The following C14orf93 variants were observed in gnomAD, a reference collection of about 807,000 sequenced individuals.
C14orf93 encodes the protein chromosome 14 open reading frame 93.
A neutral mutation model predicts 44.0 loss-of-function variants in C14orf93; 23 were observed. That is an observed-to-expected ratio of 0.52 (90% CI 0.38 to 0.74). The LOEUF is 0.74. C14orf93 is among the 30% of genes least tolerant of loss of function. The probability of loss-of-function intolerance (pLI) is 0.00; values close to 1 mark genes in which losing one functional copy is unlikely to be tolerated. For synonymous variants in C14orf93, 253 were observed against 265.7 expected (o/e 0.95, Z 0.46); for missense variants, 579 against 678.9 (o/e 0.85, Z 1.64).
intron 3 of C14orf93, among the ~76,000 whole-genome samples, chr14:22,990,557 C>T (rs79237360): frequency 0.2 from 30,058 of 151,182 alleles, 3,181 homozygotes; most frequent in Non-Finnish European, 0.23. Flanking sequence ...GCAACCTCTG[C>T]CTCCCGGGTT....
chr14:23,008,073 A>T (rs925696441), intron 1 of C14orf93, among the ~76,000 whole-genome samples: 2 of 150,826 alleles, frequency 1.3e-5, no homozygotes, highest in Non-Finnish European at 2.9e-5. Context: ...GAATCGCTTG[A>T]ACCCAGGAGG....
intron 2 of C14orf93, 178 bp downstream of exon 2, chr14:22,998,249 T>G: frequency 1.1e-6 from 1 of 933,088 alleles, no homozygotes; most frequent in Non-Finnish European, 1.5e-6. Context: ...AAGAAGCTGA[T>G]GGTTCAGGAA....
At chr14:22,989,962 G>C in intron 4 of C14orf93, 104 bp downstream of exon 4, 1 of 1,409,148 alleles carries the variant, frequency 7.1e-7, no homozygotes, top group African/African-American at 1.4e-5. Context: ...AGAAGGTATG[G>C]TGAGATCAAA....
intron 2 of C14orf93, among the ~76,000 whole-genome samples, chr14:22,997,668 C>A (rs551104169): frequency 9.9e-5 from 15 of 152,188 alleles, no homozygotes; most frequent in African/African-American, 3.6e-4. Flanking sequence ...ACATCTATGT[C>A]TTTTCCTGCT....
In C14orf93 at chr14:22,990,087, T is replaced by C; in HGVS notation, c.959A>G (p.Lys320Arg). ...ATACCTTTCAGACCCATTGAATCTC[T>C]TGTCATTGGTGATGTGGTTATGCAC... ...HNVHNHITND[K>R]RFNGSESIKS... The change falls in exon 4 of 7, where the codon AAG (lysine) becomes AGG (arginine). Residue 320 changes from lysine to arginine, a missense_variant. Coordinates refer to ENST00000299088, the MANE Select transcript of C14orf93 (RefSeq NM_021944.4). 2 of 1,613,214 alleles carry C rather than the reference T, an allele frequency of 1.2e-6. No individual in the cohort carries two copies. The highest frequency in any genetic ancestry group is 1.7e-6 in the Non-Finnish European group (2 of 1,179,260).
intron 1 of C14orf93, among the ~76,000 whole-genome samples, chr14:23,008,872 A>G (rs1413949409): frequency 6.6e-6 from 1 of 152,218 alleles, no homozygotes; most frequent in African/African-American, 2.4e-5. Flanking sequence ...CCCCATCACC[A>G]TCACCATGAA....
chr14:23,003,641 A>G (rs536868080), intron 1 of C14orf93, among the ~76,000 whole-genome samples: 1 of 151,486 alleles, frequency 6.6e-6, no homozygotes, highest in South Asian at 2.1e-4. Flanking sequence ...CAAAAAACAA[A>G]ACAAAAAAAA....
chr14:23,002,919 T>C (rs907023372), intron 1 of C14orf93: 1 of 152,172 alleles, frequency 6.6e-6, no homozygotes, highest in African/African-American at 2.4e-5. Context: ...TGCCCCCAAA[T>C]TTAATATTGA....
chr14:22,991,608 G>C (rs2139478936), intron 3 of C14orf93, among the ~76,000 whole-genome samples: 1 of 150,246 alleles, frequency 6.7e-6, no homozygotes, highest in Non-Finnish European at 1.5e-5. Flanking sequence ...GTCTCACTCT[G>C]TTGCCAGGCT....
At chr14:22,995,451 G>A (rs756477910) in intron 3 of C14orf93, among the ~76,000 whole-genome samples, 10 of 152,106 alleles carry the variant, frequency 6.6e-5, no homozygotes, top group Non-Finnish European at 1.3e-4. Context: ...AGGCCGAGGC[G>A]GGTGGATAAC....
Position 22,987,091 on chromosome 14 carries a change from G to A in C14orf93, c.*124C>T. 1 of 1,085,764 alleles carries A rather than the reference G, an allele frequency of 9.2e-7. No homozygotes were observed. The highest frequency in any genetic ancestry group is 1.3e-6 in the Non-Finnish European group (1 of 771,752). 67.3% of individuals were successfully genotyped at this position (1,085,764 alleles called of 1,614,324 possible). On this transcript the variant is annotated 3_prime_UTR_variant, in exon 7 of 7. Coordinates refer to ENST00000299088, the MANE Select transcript of C14orf93 (RefSeq NM_021944.4). This position sits in a 1 kb window ranked among gnomAD's most constrained non-coding sequence, Gnocchi z 5.6. ...GCTTCCCCAGTAGAGACTGTGTTAAGAAAAGAGGCAAATTTGCTTTCTCAG... is the reference window on the plus strand; with the variant it reads ...GCTTCCCCAGTAGAGACTGTGTTAAAAAAAGAGGCAAATTTGCTTTCTCAG...
At chr14:23,007,347 C>G (rs963329744) in intron 1 of C14orf93, among the ~76,000 whole-genome samples, 1 of 152,214 alleles carries the variant, frequency 6.6e-6, no homozygotes, top group Admixed American at 6.5e-5. Context: ...CAGACGCCAT[C>G]TTTAGCTTGT....
In C14orf93 at chr14:23,002,029, G is replaced by A. The variant is rs190520275; in HGVS notation, c.-379-2627C>T. Among the ~76,000 whole-genome samples, 433 of 150,522 alleles carry A rather than the reference G, an allele frequency of 2.9e-3. 2 individuals carry two copies. The highest frequency in any genetic ancestry group is 1.6e-3 in the Non-Finnish European group (111 of 67,566). ...CCGGGCGTGGTGGCGGGCGACTGTA[G>A]TCCCAGCTACTCTGGAGGCTGAGGC... On this transcript the variant is annotated intron_variant, in intron 1 of 6. Transcript: ENST00000299088.
At chr14:23,001,788 C>G (rs1389232357) in intron 1 of C14orf93, among the ~76,000 whole-genome samples, 1 of 138,280 alleles carries the variant, frequency 7.2e-6, no homozygotes, top group Non-Finnish European at 1.5e-5. Context: ...ATAGTCTTTC[C>G]TTGGTCGTCC....
chr14:22,989,867 G>A (rs200371933), intron 4 of C14orf93, 22 bp from the exon 5 acceptor site: 4 of 1,598,506 alleles, frequency 2.5e-6, no homozygotes, highest in Middle Eastern at 1.7e-4. Context: ...AGAAGAGAAT[G>A]AATAAAGTTG....
chr14:22,998,681 G>A lies in C14orf93; in HGVS notation c.343C>T (p.Arg115Trp), dbSNP rs780340965. Residue 115 changes from arginine to tryptophan, a missense_variant, in exon 2 of 7, where the codon CGG (arginine) becomes TGG (tryptophan). Arg to Trp is a moderately radical substitution (Grantham distance 101). Coordinates refer to ENST00000299088, the MANE Select transcript of C14orf93 (RefSeq NM_021944.4). ...VSIPDEDGES[R>W]AHSSPPEEPG... ...TCCTCAGGTGGGGAACTATGTGCCC[G>A]GCTTTCCCCATCTTCATCAGGGATG... 12 of 1,614,066 alleles carry A rather than the reference G, an allele frequency of 7.4e-6. No homozygotes were observed. The East Asian group carries it at 1.3e-4, about 18-fold the overall frequency.
At position 22,999,139 on chromosome 14, in the gene C14orf93, G is replaced by A; in HGVS notation, c.-116C>T. ...CAATGAGGATGGTCAGAGGAGCCCAGGCCCCAAGCTGTAGGGTCTGTGAAA... is the reference window on the plus strand; with the variant it reads ...CAATGAGGATGGTCAGAGGAGCCCAAGCCCCAAGCTGTAGGGTCTGTGAAA... On this transcript the variant is annotated 5_prime_UTR_variant, in exon 2 of 7. Coordinates refer to ENST00000299088, the MANE Select transcript of C14orf93 (RefSeq NM_021944.4). 1 of 1,464,664 alleles carries A rather than the reference G, an allele frequency of 6.8e-7. No homozygotes were observed. The allele number at this position is 1,464,664 out of a possible 1,614,324, so 90.7% of individuals were successfully genotyped here.
intron 2 of C14orf93, among the ~76,000 whole-genome samples, chr14:22,997,042 T>G (rs990384308): frequency 1.3e-5 from 2 of 152,124 alleles, no homozygotes; most frequent in African/African-American, 4.8e-5. Context: ...CTGAGATTTA[T>G]AGACCTGTGA....
At position 22,986,590 on chromosome 14, in the gene C14orf93, T is replaced by A. The variant is rs2045238124; in HGVS notation, c.*625A>T. On this transcript the variant is annotated 3_prime_UTR_variant, in exon 7 of 7. Transcript: ENST00000299088. ...CTGCCGGTGAGACACGGGAACTCTT[T>A]AAGCCTTAATTTCCTCATCTGTAAG... 6.5e-6 allele frequency: 1 copy of A among 153,270 alleles called. No individual in the cohort carries two copies. Among genetic ancestry groups the A allele is most frequent in the Non-Finnish European group, 1.5e-5 (1 of 68,768 alleles). 9.5% of individuals were successfully genotyped at this position (153,270 alleles called of 1,614,324 possible).
Sources: allele counts gnomAD v4.1 joint callset (sites outside exome capture counted in the v4.1 genomes callset), GRCh38; gene constraint gnomAD v4.1.1; non-coding constraint Gnocchi (gnomAD v3.1); transcripts MANE v1.5; gene names NCBI Gene and HGNC (gene_info 2026-07-23, HGNC 2026-07-21).